Variants in SIGLEC6 observed in about 807,000 individuals in gnomAD.
SIGLEC6 encodes the protein sialic acid-binding Ig-like lectin 6.
In SIGLEC6, 31 loss-of-function variants were observed where a neutral mutation model predicts 41.4. The observed-to-expected ratio is 0.75, with a 90% CI of 0.56 to 1.01. The LOEUF (loss-of-function observed/expected upper bound fraction) is 1.01. Among genes scored for constraint, SIGLEC6 ranks in the 50% least tolerant of loss-of-function variants. The pLI, the probability that SIGLEC6 is intolerant of heterozygous loss-of-function variation, is 0.00. For synonymous variants in SIGLEC6, 217 were observed against 231.0 expected (o/e 0.94, Z 0.55); for missense variants, 555 against 558.6 (o/e 0.99, Z 0.06).
intron 7 of SIGLEC6, among the ~76,000 whole-genome samples, chr19:51,521,380 G>T (rs1990924049): frequency 1.3e-5 from 2 of 151,566 alleles, no homozygotes; most frequent in African/African-American, 2.4e-5. Context: ...GTGTGTATAT[G>T]TGTGTGTGTG....
rs945826699 is a variant in SIGLEC6 at position 51,518,121 on chromosome 19, A to G, written c.*1961T>C. On this transcript the variant is annotated 3_prime_UTR_variant, in exon 8 of 8. Coordinates refer to ENST00000425629, the MANE Select transcript of SIGLEC6 (RefSeq NM_001245.7). ...TTATATGTTTTAGAATTTATTTGAG[A>G]AATCTTTTCTTTATTAACACTCACA... Among the ~76,000 whole-genome samples the G allele has an allele frequency of 2.0e-5, 3 of 152,180 alleles. No homozygotes were observed. Among genetic ancestry groups the G allele is most frequent in the African/African-American group, 7.2e-5 (3 of 41,434 alleles).
intron 4 of SIGLEC6, 117 bp downstream of exon 4, chr19:51,530,320 C>T: frequency 1.1e-6 from 1 of 931,144 alleles, no homozygotes; most frequent in East Asian, 2.6e-5. Flanking sequence ...AGCAAAGATT[C>T]AGTCCAGGTC....
chr19:51,527,221 C>G (rs1487330938), intron 7 of SIGLEC6, among the ~76,000 whole-genome samples: 9 of 152,128 alleles, frequency 5.9e-5, no homozygotes, highest in Non-Finnish European at 1.3e-4. Flanking sequence ...TATAAGACAA[C>G]CATTCCCAAG....
Position 51,518,532 on chromosome 19 carries a change from G to A in SIGLEC6, c.*1550C>T, listed in dbSNP as rs1481413766. ...ATTTTTGTATTTTAGTAGAGATGGG[G>A]TTTCACCATGTTGGCCAGACCAGTC... On this transcript the variant is annotated 3_prime_UTR_variant, in exon 8 of 8. Coordinates refer to ENST00000425629, the MANE Select transcript of SIGLEC6 (RefSeq NM_001245.7). Among the ~76,000 whole-genome samples, 4 of 152,134 alleles carry A rather than the reference G, an allele frequency of 2.6e-5. No homozygotes were observed. The highest frequency in any genetic ancestry group is 2.1e-4 in the South Asian group (1 of 4,830).
At chr19:51,520,938 A>G (rs965483889) in intron 7 of SIGLEC6, among the ~76,000 whole-genome samples, 14 of 152,244 alleles carry the variant, frequency 9.2e-5, no homozygotes, top group African/African-American at 3.1e-4. Flanking sequence ...ATGTTAAGCC[A>G]TGAAGAAAGC....
chr19:51,525,384 G>C (rs2122364804), intron 7 of SIGLEC6, among the ~76,000 whole-genome samples: 2 of 152,250 alleles, frequency 1.3e-5, no homozygotes, highest in Middle Eastern at 3.4e-3. Context: ...AAGAGCATAA[G>C]GACTATCACT....
At position 51,520,303 on chromosome 19, in the gene SIGLEC6, A is replaced by G. The variant is rs375425534; in HGVS notation, c.1189-48T>C. On this transcript the variant is annotated intron_variant, in intron 7 of 7. Transcript: ENST00000425629. ...TTCAGGGCTGGACAATAGGTTCTCA[A>G]AGAAAGCAGCCAAGGATCAGAAAGG... The G allele has an allele frequency of 1.2e-5, 16 of 1,389,662 alleles. No homozygotes were observed. In the African/African-American group the frequency reaches 2.0e-4, roughly 17 times the overall value. 86.1% of individuals were successfully genotyped at this position (1,389,662 alleles called of 1,614,324 possible).
rs1215904686 is a variant in SIGLEC6 at position 51,531,638 on chromosome 19, G to A, written c.11C>T (p.Ala4Val). The A allele has an allele frequency of 1.9e-6, 3 of 1,606,594 alleles. 1 individual carries two copies. In the South Asian group the frequency reaches 3.3e-5, roughly 18 times the overall value. Residue 4 changes from alanine (A) to valine (V), a missense_variant, in exon 1 of 8, where the codon GCC becomes GTC. Ala to Val is a moderately conservative substitution (Grantham distance 64). Transcript: ENST00000425629. Reference protein sequence around the residue: MQGAQEASASEMLP... With the variant: MQGVQEASASEMLP... ...CATCTCTGAGGCGGAGGCTTCCTGG[G>A]CTCCCTGCATGAGCAGAGAAGGGGA...
chr19:51,522,694 G>A (rs7249285), intron 7 of SIGLEC6, among the ~76,000 whole-genome samples: 89,041 of 152,006 alleles, frequency 0.59, 26,374 homozygotes, highest in Admixed American at 0.66. Flanking sequence ...GGGAGTCTGA[G>A]GCTGGAGAAT....
At chr19:51,524,913 C>G (rs1460514846) in intron 7 of SIGLEC6, among the ~76,000 whole-genome samples, 1 of 152,168 alleles carries the variant, frequency 6.6e-6, no homozygotes, top group Non-Finnish European at 1.5e-5. Flanking sequence ...GTGACAGCCC[C>G]CAAGGACCCA....
intron 7 of SIGLEC6, among the ~76,000 whole-genome samples, chr19:51,525,598 C>T (rs189518957): frequency 3.3e-5 from 5 of 152,306 alleles, no homozygotes; most frequent in Admixed American, 1.3e-4. Context: ...TTTGCCATTG[C>T]CACTGCAGTG....
chr19:51,531,055 A>G (rs1980237438), intron 2 of SIGLEC6, 96 bp from the exon 3 acceptor site: 3 of 1,571,246 alleles, frequency 1.9e-6, no homozygotes, highest in Non-Finnish European at 2.6e-6. Flanking sequence ...TCTGAGCCCA[A>G]CATGCTTAAT....
chr19:51,521,067 GC>G (rs5828482), intron 7 of SIGLEC6, among the ~76,000 whole-genome samples: 88,760 of 151,944 alleles, frequency 0.58, 26,224 homozygotes, highest in Admixed American at 0.65. Context: ...TAAAGCAGGG[GC>G]AGGAGTGGCA....
Position 51,520,083 on chromosome 19 carries a change from C to T in SIGLEC6, c.1361G>A (p.Ter454=). 1 of 1,557,514 alleles carries T rather than the reference C, an allele frequency of 6.4e-7. No individual in the cohort carries two copies. The highest frequency in any genetic ancestry group is 8.8e-7 in the Non-Finnish European group (1 of 1,138,718). The change falls in exon 8 of 8, where the codon TGA becomes TAA. Residue 454 remains the stop codon, a stop_retained_variant. Coordinates refer to ENST00000425629, the MANE Select transcript of SIGLEC6 (RefSeq NM_001245.7). The part of the protein sequence containing the change: ...TEYSEIKIHK[*] Reference sequence around the variant, plus strand: ...AAGGTTATGGCTTTGGACAATTCCTCACTTGTGTATCTTGATTTCTGAGTA... The same window carrying T: ...AAGGTTATGGCTTTGGACAATTCCTTACTTGTGTATCTTGATTTCTGAGTA...
Position 51,519,910 on chromosome 19 carries a change from C to A in SIGLEC6, c.*172G>T. On this transcript the variant is annotated 3_prime_UTR_variant, in exon 8 of 8. Coordinates refer to ENST00000425629, the MANE Select transcript of SIGLEC6 (RefSeq NM_001245.7). ...CCAACAAGAGAGGCCTTAGAAGGGA[C>A]CAACCCTGATAACACCTTGTTCTCA... 1 of 487,958 alleles carries A rather than the reference C, an allele frequency of 2.0e-6. No homozygotes were observed. Among genetic ancestry groups the A allele is most frequent in the Non-Finnish European group, 3.4e-6 (1 of 293,518 alleles). 30.2% of individuals were successfully genotyped at this position (487,958 alleles called of 1,614,324 possible).
Position 51,531,257 on chromosome 19 carries a change from ATC to A in SIGLEC6, c.328_329del (p.Asp110CysfsTer63). The A allele has an allele frequency of 1.2e-6, 2 of 1,614,108 alleles. No individual in the cohort carries two copies. Among genetic ancestry groups the A allele is most frequent in the South Asian group, 2.2e-5 (2 of 91,070 alleles). The part of the protein sequence containing the change: ...RRKNCSLSIR[D>X]ARRRDNAAYF... ...ATGCAGCATTGTCCCTCCTCCGGGC[ATC>A]TCTGATGCTCAGGGAGCAGTTCTTC... On this transcript the variant is annotated frameshift_variant, in exon 2 of 8. Coordinates refer to ENST00000425629, the MANE Select transcript of SIGLEC6 (RefSeq NM_001245.7). LOFTEE classifies it high-confidence loss of function.
chr19:51,521,935 C>T (rs1394199892), intron 7 of SIGLEC6, among the ~76,000 whole-genome samples: 2 of 152,078 alleles, frequency 1.3e-5, no homozygotes, highest in African/African-American at 2.4e-5. Context: ...AACTGCAGTA[C>T]GTGGAGGATA....
At chr19:51,528,385 G>T (rs1194196894) in intron 5 of SIGLEC6, 132 bp from the exon 6 acceptor site, 22 of 732,580 alleles carry the variant, frequency 3.0e-5, no homozygotes, top group Non-Finnish European at 4.2e-5. Flanking sequence ...ACTGCCCTGT[G>T]AACCCGGAAC....
At position 51,529,024 on chromosome 19, in the gene SIGLEC6, AATGTGGACACAGACGCAC is replaced by A. The variant is rs1485765918; in HGVS notation, c.1012+682_1012+699del. ...CTCAAAAAAAAAAAAAAAAAGGGAA[AATGTGGACACAGACGCAC>A]ATGTGGACACAGACACCACCATGTG... is the stretch of plus-strand genomic sequence containing the variant. On this transcript the variant is annotated intron_variant, in intron 5 of 7. Transcript: ENST00000425629. 3.1e-4 allele frequency among the ~76,000 whole-genome samples: 47 copies of A among 149,530 alleles called. 10 individuals are homozygous for A. The highest frequency in any genetic ancestry group is 1.1e-3 in the Admixed American group (16 of 14,870).
Sources: gnomAD v4.1 joint callset for allele counts (sites outside exome capture counted in the v4.1 genomes callset) on GRCh38, gnomAD v4.1.1 for gene constraint, MANE v1.5 for transcripts, NCBI Gene and HGNC (gene_info 2026-07-23, HGNC 2026-07-21) for gene names.